Variants in CENPP observed in about 807,000 individuals in gnomAD.
CENPP encodes the protein centromere protein P.
A neutral mutation model predicts 35.6 loss-of-function variants in CENPP; 24 were observed. The observed-to-expected ratio is 0.67, with a 90% CI of 0.49 to 0.95. The LOEUF is 0.95. Among genes scored for constraint, CENPP ranks in the 40% least tolerant of loss-of-function variants. CENPP has a pLI of 0.00. For synonymous variants in CENPP, 120 were observed against 125.5 expected (o/e 0.96, Z 0.29); for missense variants, 332 against 345.3 (o/e 0.96, Z 0.31).
chr9:92,567,958 A>G (rs892187613), intron 5 of CENPP, among the ~76,000 whole-genome samples: 2 of 152,246 alleles, frequency 1.3e-5, no homozygotes, highest in Non-Finnish European at 2.9e-5. Flanking sequence ...TAAGGAATAT[A>G]TAAAATAAAT....
chr9:92,460,348 C>G (rs1404776795), intron 5 of CENPP: 2 of 582,570 alleles, frequency 3.4e-6, no homozygotes, highest in Non-Finnish European at 6.0e-6. Context: ...GTGGTTCTTT[C>G]TAGTTTTCCC....
At chr9:92,529,650 T>C (rs957472312) in intron 5 of CENPP, among the ~76,000 whole-genome samples, 3 of 152,128 alleles carry the variant, frequency 2.0e-5, no homozygotes, top group Non-Finnish European at 2.9e-5. Context: ...CATCAAGCCA[T>C]GAAAATACAT....
chr9:92,354,935 G>C (rs1446890960), intron 4 of CENPP, among the ~76,000 whole-genome samples: 1 of 152,148 alleles, frequency 6.6e-6, no homozygotes, highest in African/African-American at 2.4e-5. Flanking sequence ...TTTCAAAAGG[G>C]GAGGGGGTAT....
chr9:92,452,843 G>A (rs866052386), intron 5 of CENPP, among the ~76,000 whole-genome samples: 33 of 151,978 alleles, frequency 2.2e-4, no homozygotes, highest in African/African-American at 2.9e-4. Context: ...TGTATGTGTC[G>A]AGGAATTTAT....
At chr9:92,505,588 CGCAAGTAG>C in intron 5 of CENPP, 1 of 1,609,022 alleles carries the variant, frequency 6.2e-7, no homozygotes. Flanking sequence ...TTTTCCCAGA[CGCAAGTAG>C]GCTAGGCTCT....
intron 5 of CENPP, among the ~76,000 whole-genome samples, chr9:92,388,335 T>C (rs1186464407): frequency 2.0e-5 from 3 of 151,410 alleles, no homozygotes; most frequent in Non-Finnish European, 2.9e-5. Flanking sequence ...CTAATTTTTG[T>C]ATTTTTAGTG....
chr9:92,569,797 T>C (rs1490545544), intron 5 of CENPP, among the ~76,000 whole-genome samples: 1 of 152,174 alleles, frequency 6.6e-6, no homozygotes, highest in Admixed American at 6.5e-5. Context: ...GTCCTTCACA[T>C]CCCTTGTAAG....
At chr9:92,334,957 C>T (rs1016362744) in intron 2 of CENPP, among the ~76,000 whole-genome samples, 2 of 150,258 alleles carry the variant, frequency 1.3e-5, no homozygotes, top group Admixed American at 6.6e-5. Context: ...GAAGCCGAGG[C>T]GGGCGAATCA....
intron 5 of CENPP, among the ~76,000 whole-genome samples, chr9:92,435,560 A>C (rs910989361): frequency 6.9e-4 from 105 of 152,330 alleles, no homozygotes; most frequent in Non-Finnish European, 1.3e-3. Context: ...ATAGGTACAT[A>C]AATCTCTTGC....
chr9:92,368,931 C>T (rs1028931217), intron 4 of CENPP, among the ~76,000 whole-genome samples: 1 of 152,106 alleles, frequency 6.6e-6, no homozygotes, highest in Non-Finnish European at 1.5e-5. Flanking sequence ...GTAGTTATAG[C>T]TGCTCAGGAG....
In CENPP at chr9:92,615,829, GAGTT is replaced by G. The variant is rs1564024255; in HGVS notation, c.*2683_*2686del. On this transcript the variant is annotated 3_prime_UTR_variant, in exon 8 of 8. Coordinates refer to ENST00000375587, the MANE Select transcript of CENPP (RefSeq NM_001012267.3). ...AAGTTTCAAAGACACTGCAGGGAAAGAGTTAGACCTTGTGGAGAACTAATGTGCA... is the reference window on the plus strand; with the variant it reads ...AAGTTTCAAAGACACTGCAGGGAAAGAGACCTTGTGGAGAACTAATGTGCA... The G allele has an allele frequency of 1.2e-6, 2 of 1,603,152 alleles. No homozygotes were observed. The highest frequency in any genetic ancestry group is 2.2e-5 in the East Asian group (1 of 44,808).
intron 5 of CENPP, among the ~76,000 whole-genome samples, chr9:92,409,088 T>G (rs1843379744): frequency 6.6e-6 from 1 of 152,234 alleles, no homozygotes; most frequent in Non-Finnish European, 1.5e-5. Context: ...TTAGTTTTTC[T>G]CAGTAGTACA....
chr9:92,337,400 C>A, intron 2 of CENPP, 141 bp from the exon 3 acceptor site: 1 of 538,212 alleles, frequency 1.9e-6, no homozygotes, highest in Non-Finnish European at 3.4e-6. Flanking sequence ...TACGTTCTTC[C>A]AGAGTTTTTC....
chr9:92,465,181 A>G (rs1345132298), intron 5 of CENPP: 3 of 626,144 alleles, frequency 4.8e-6, no homozygotes, highest in East Asian at 2.7e-5. Context: ...GCTTCTGTCT[A>G]TCTACTGTCC....
At chr9:92,487,909 T>TA (rs1383797546) in intron 5 of CENPP, among the ~76,000 whole-genome samples, 1 of 152,254 alleles carries the variant, frequency 6.6e-6, no homozygotes, top group Non-Finnish European at 1.5e-5. Context: ...TGAGTACCCA[T>TA]ACAACCATTG....
At chr9:92,469,234 T>C (rs1845422043) in intron 5 of CENPP, among the ~76,000 whole-genome samples, 1 of 152,206 alleles carries the variant, frequency 6.6e-6, no homozygotes, top group Non-Finnish European at 1.5e-5. Context: ...TATGCTCTTC[T>C]AGTTGCTCTT....
Position 92,551,941 on chromosome 9 carries a change from AT to A in CENPP, c.565-59372del, listed in dbSNP as rs1292565388. On this transcript the variant is annotated intron_variant, in intron 5 of 7. Coordinates refer to ENST00000375587, the MANE Select transcript of CENPP (RefSeq NM_001012267.3). ...GGTGTGTGTGTATATATATATATAT[AT>A]ATATATATATGATATATATATGTGT... 6.2e-4 allele frequency among the ~76,000 whole-genome samples: 40 copies of A among 64,690 alleles called. 1 individual carries two copies. Among genetic ancestry groups the A allele is most frequent in the African/African-American group, 2.4e-3 (19 of 7,838 alleles). The allele number at this position is 64,690 out of a possible 152,430, so 42.4% of individuals were successfully genotyped here.
At chr9:92,547,721 C>G (rs1382534461) in intron 5 of CENPP, among the ~76,000 whole-genome samples, 1 of 152,126 alleles carries the variant, frequency 6.6e-6, no homozygotes, top group Non-Finnish European at 1.5e-5. Flanking sequence ...CTAAAATGTT[C>G]TAAAAATAGT....
intron 2 of CENPP, among the ~76,000 whole-genome samples, chr9:92,335,743 A>G (rs1031042887): frequency 2.1e-4 from 32 of 152,066 alleles, no homozygotes; most frequent in Admixed American, 1.2e-3. Flanking sequence ...CTATTGACCT[A>G]TTTGTATACT....
Sources: gnomAD v4.1 joint callset for allele counts (sites outside exome capture counted in the v4.1 genomes callset) on GRCh38, gnomAD v4.1.1 for gene constraint, MANE v1.5 for transcripts, NCBI Gene and HGNC (gene_info 2026-07-23, HGNC 2026-07-21) for gene names.